Variants in MCU observed in about 807,000 individuals in gnomAD.
The protein encoded by MCU is mitochondrial calcium uniporter.
In MCU, 12 loss-of-function variants were observed where a neutral mutation model predicts 45.2. The ratio of observed to expected loss-of-function variants is 0.27; its 90% CI spans 0.17 to 0.43. The LOEUF (loss-of-function observed/expected upper bound fraction) is 0.43. Ranked by LOEUF, MCU falls within the 20% of genes least tolerant of loss-of-function variation. The pLI is 1.00. For missense variants in MCU, 324 were observed against 436.7 expected (o/e 0.74, Z 2.30); for synonymous variants, 160 against 165.1 (o/e 0.97, Z 0.24).
chr10:72,878,008 C>T (rs975268858), intron 6 of MCU, among the ~76,000 whole-genome samples: 4 of 151,742 alleles, frequency 2.6e-5, no homozygotes, highest in African/African-American at 7.3e-5. Context: ...TGGTAATCCC[C>T]GAGTGCTGAT....
intron 1 of MCU, among the ~76,000 whole-genome samples, chr10:72,824,499 G>A (rs928556607): frequency 2.0e-5 from 3 of 151,676 alleles, no homozygotes; most frequent in Admixed American, 6.6e-5. Context: ...GTGAGGCACC[G>A]CGCCCGGCCC....
rs1283209460 is a variant in MCU, at chr10:72,816,032, T to C, written c.151-18327T>C. 2.6e-5 allele frequency among the ~76,000 whole-genome samples: 4 copies of C among 151,824 alleles called. No homozygotes were observed. In the East Asian group the frequency reaches 7.7e-4, roughly 29 times the overall value. ...CATCTCTATTAAAAATACAAAAATA[T>C]ATGGTGGCGGGTGCCTGTAATCCCA... On this transcript the variant is annotated intron_variant, in intron 1 of 7. Transcript: ENST00000373053.
At chr10:72,707,699 A>ATAGG (rs1038981727) in intron 1 of MCU, among the ~76,000 whole-genome samples, 64 of 151,758 alleles carry the variant, frequency 4.2e-4, no homozygotes, top group Admixed American at 1.4e-3. Flanking sequence ...AAGTGGTATA[A>ATAGG]TAGGAACTGG....
At chr10:72,837,055 C>T (rs978301518) in intron 2 of MCU, among the ~76,000 whole-genome samples, 2 of 151,938 alleles carry the variant, frequency 1.3e-5, no homozygotes, top group African/African-American at 4.8e-5. Flanking sequence ...GTAAATATAC[C>T]TATATATACT....
chr10:72,742,296 A>G (rs949928833), intron 1 of MCU, among the ~76,000 whole-genome samples: 1 of 152,200 alleles, frequency 6.6e-6, no homozygotes, highest in Non-Finnish European at 1.5e-5. Context: ...TGATGCCTGC[A>G]TAATGATGAA....
intron 6 of MCU, among the ~76,000 whole-genome samples, chr10:72,879,605 A>T (rs1845670031): frequency 6.6e-6 from 1 of 152,246 alleles, no homozygotes; most frequent in Non-Finnish European, 1.5e-5. Flanking sequence ...TGGGCAGAAG[A>T]AAGATTATCA....
At chr10:72,729,991 C>T (rs1244501970) in intron 1 of MCU, among the ~76,000 whole-genome samples, 1 of 121,982 alleles carries the variant, frequency 8.2e-6, no homozygotes, top group Non-Finnish European at 1.6e-5. Flanking sequence ...CAGTGTCTGG[C>T]TGTGTCATCC....
rs542806573 is a variant in MCU, at chr10:72,802,691, A to G, written c.151-31668A>G. Reference sequence around the variant, plus strand: ...CTTTGCTTTAAAAGGCAAATAGAACACTATTCCTTTGTATAATCCTTAAAG... The same window carrying G: ...CTTTGCTTTAAAAGGCAAATAGAACGCTATTCCTTTGTATAATCCTTAAAG... On this transcript the variant is annotated intron_variant, in intron 1 of 7. Coordinates refer to ENST00000373053, the MANE Select transcript of MCU (RefSeq NM_138357.3). 4.6e-5 allele frequency among the ~76,000 whole-genome samples: 7 copies of G among 152,348 alleles called. No homozygotes were observed. In the South Asian group the frequency reaches 6.2e-4, roughly 14 times the overall value.
chr10:72,749,576 TA>T (rs1843464504), intron 1 of MCU, among the ~76,000 whole-genome samples: 1 of 152,180 alleles, frequency 6.6e-6, no homozygotes, highest in African/African-American at 2.4e-5. Flanking sequence ...TGGTGATAGA[TA>T]AGGATTAAAA....
intron 1 of MCU, among the ~76,000 whole-genome samples, chr10:72,774,546 A>C (rs1434046748): frequency 5.9e-5 from 9 of 152,174 alleles, no homozygotes; most frequent in Admixed American, 1.3e-4. Flanking sequence ...GTCCTTACTT[A>C]TTAATAATAA....
chr10:72,708,975 T>G (rs939048444), intron 1 of MCU, among the ~76,000 whole-genome samples: 3 of 151,950 alleles, frequency 2.0e-5, no homozygotes, highest in South Asian at 2.1e-4. Flanking sequence ...ACCACTGTAC[T>G]CCAGCCTGGG....
intron 2 of MCU, among the ~76,000 whole-genome samples, chr10:72,855,044 C>A (rs778863080): frequency 1.2e-4 from 19 of 152,024 alleles, no homozygotes; most frequent in Non-Finnish European, 2.5e-4. Flanking sequence ...GAGTTTGAGA[C>A]CATCCTGGCC....
intron 1 of MCU, among the ~76,000 whole-genome samples, chr10:72,693,608 G>A (rs946306374): frequency 1.3e-5 from 2 of 152,184 alleles, no homozygotes; most frequent in Non-Finnish European, 2.9e-5. Flanking sequence ...GCAAAAGCAA[G>A]GTTGTATTGT....
chr10:72,887,376 TC>T lies in MCU; in HGVS notation c.*1556del, dbSNP rs1444392587. The T allele has an allele frequency of 5.9e-5, 9 of 152,916 alleles. No individual in the cohort carries two copies. The East Asian group carries it at 1.5e-3, about 26-fold the overall frequency. The allele number at this position is 152,916 out of a possible 1,614,324, so 9.5% of individuals were successfully genotyped here. ...GAATGAAAGGATGCATGTCTCCACT[TC>T]CTGACCCTCCGCCCACTTCCTTCTC... On this transcript the variant is annotated 3_prime_UTR_variant, in exon 8 of 8. Transcript: ENST00000373053.
chr10:72,692,686 T>C (rs755817273), intron 1 of MCU: 20 of 1,213,984 alleles, frequency 1.6e-5, no homozygotes, highest in Non-Finnish European at 2.1e-5. Flanking sequence ...CCCCTTTCCC[T>C]CCTCCTCCGG....
At chr10:72,840,594 T>G (rs1845033452) in intron 2 of MCU, among the ~76,000 whole-genome samples, 1 of 152,120 alleles carries the variant, frequency 6.6e-6, no homozygotes, top group South Asian at 2.1e-4. Context: ...CCACTATATA[T>G]CTTTCATTCC....
chr10:72,884,783 A>G (rs1845754624), intron 7 of MCU, among the ~76,000 whole-genome samples: 1 of 152,120 alleles, frequency 6.6e-6, no homozygotes, highest in Non-Finnish European at 1.5e-5. Flanking sequence ...AGTAAAACCC[A>G]GGTAAGAGGG....
At chr10:72,858,004 C>T (rs1845318925) in intron 2 of MCU, among the ~76,000 whole-genome samples, 1 of 152,184 alleles carries the variant, frequency 6.6e-6, no homozygotes, top group African/African-American at 2.4e-5. Context: ...CTTATGACAA[C>T]TGAAGAATGG....
intron 1 of MCU, among the ~76,000 whole-genome samples, chr10:72,775,385 G>C (rs1220188260): frequency 6.6e-6 from 1 of 152,020 alleles, no homozygotes; most frequent in Non-Finnish European, 1.5e-5. Context: ...ATGGGATACT[G>C]TAAAAGCCTT....
Sources: gnomAD v4.1 joint callset for allele counts (sites outside exome capture counted in the v4.1 genomes callset) on GRCh38, gnomAD v4.1.1 for gene constraint, MANE v1.5 for transcripts, NCBI Gene and HGNC (gene_info 2026-07-23, HGNC 2026-07-21) for gene names.